The following CNOT6L variants were observed in gnomAD, a reference collection of about 807,000 sequenced individuals.
The protein encoded by CNOT6L is CCR4-NOT transcription complex subunit 6-like.
In CNOT6L, 7 loss-of-function variants were observed where a neutral mutation model predicts 64.0. That is an observed-to-expected ratio of 0.11 (90% CI 0.06 to 0.21). The LOEUF is 0.21. Ranked by LOEUF, CNOT6L falls within the 10% of genes least tolerant of loss-of-function variation. CNOT6L has a pLI of 1.00. For synonymous variants in CNOT6L, 193 were observed against 243.4 expected (o/e 0.79, Z 1.93); for missense variants, 245 against 669.0 (o/e 0.37, Z 6.99).
In CNOT6L at chr4:77,774,514, T is replaced by G; in HGVS notation, c.314+16A>C. 1 of 1,575,730 alleles carries G rather than the reference T, an allele frequency of 6.3e-7. No individual in the cohort carries two copies. Among genetic ancestry groups the G allele is most frequent in the Non-Finnish European group, 8.6e-7 (1 of 1,162,512 alleles). On this transcript the variant is annotated intron_variant, in intron 3 of 11. Transcript: ENST00000504123. The stretch of plus-strand genomic sequence containing the variant: ...AGAATTTTATATAGTGAGTCATGTC[T>G]GTTTTATTTCCTCACCTGAGAGACA...
At chr4:77,720,692 A>G in intron 11 of CNOT6L, 49 bp from the exon 12 acceptor site, 1 of 1,590,122 alleles carries the variant, frequency 6.3e-7, no homozygotes, top group Non-Finnish European at 8.6e-7. Context: ...AAGATATATA[A>G]AGAACAATCC....
chr4:77,798,666 T>C (rs1402928782), intron 1 of CNOT6L, among the ~76,000 whole-genome samples: 1 of 152,098 alleles, frequency 6.6e-6, no homozygotes, highest in African/African-American at 2.4e-5. Flanking sequence ...GCTACAACTT[T>C]GGGAGAAAGT....
chr4:77,789,229 T>C (rs1729804939), intron 1 of CNOT6L, among the ~76,000 whole-genome samples: 1 of 151,954 alleles, frequency 6.6e-6, no homozygotes, highest in African/African-American at 2.4e-5. Flanking sequence ...GTAAACCCTC[T>C]AACTGCTTGT....
chr4:77,785,306 A>G (rs1298849919), intron 1 of CNOT6L, among the ~76,000 whole-genome samples: 3 of 152,240 alleles, frequency 2.0e-5, no homozygotes, highest in Admixed American at 6.5e-5. Context: ...TATAAAACCA[A>G]TAACTATAAA....
chr4:77,778,437 G>A (rs1036836016), intron 1 of CNOT6L, among the ~76,000 whole-genome samples: 4 of 150,116 alleles, frequency 2.7e-5, no homozygotes, highest in African/African-American at 9.8e-5. Flanking sequence ...TTGCTCTGTC[G>A]CCCAGGCTGG....
At chr4:77,803,758 C>T (rs962851211) in intron 1 of CNOT6L, among the ~76,000 whole-genome samples, 2 of 152,030 alleles carry the variant, frequency 1.3e-5, no homozygotes, top group Non-Finnish European at 2.9e-5. Flanking sequence ...ACAAAATTAG[C>T]CGGGTGTGGT....
At chr4:77,778,544 T>TA (rs1401238891) in intron 1 of CNOT6L, among the ~76,000 whole-genome samples, 1 of 152,064 alleles carries the variant, frequency 6.6e-6, no homozygotes, top group Non-Finnish European at 1.5e-5. Flanking sequence ...TAGCTGAGGT[T>TA]ACGGGCGCGT....
chr4:77,774,795 T>A, intron 2 of CNOT6L, 79 bp from the exon 3 acceptor site: 1 of 864,050 alleles, frequency 1.2e-6, no homozygotes, highest in Non-Finnish European at 1.7e-6. Flanking sequence ...TGAAAAGTGG[T>A]AAGAGAGGCT....
chr4:77,759,846 T>C (rs928113310), intron 4 of CNOT6L, among the ~76,000 whole-genome samples: 1 of 152,162 alleles, frequency 6.6e-6, no homozygotes, highest in Admixed American at 6.5e-5. Context: ...CCAAAAAATA[T>C]GCATTCGTTC....
chr4:77,731,565 G>A (rs1463790767), intron 8 of CNOT6L, 27 bp from the exon 9 acceptor site: 1 of 1,465,122 alleles, frequency 6.8e-7, no homozygotes, highest in African/African-American at 1.5e-5. Context: ...TATAATTTTA[G>A]GTACCTAGAC....
chr4:77,727,049 G>A (rs989699260), intron 10 of CNOT6L, among the ~76,000 whole-genome samples: 1 of 152,134 alleles, frequency 6.6e-6, no homozygotes, highest in Non-Finnish European at 1.5e-5. Flanking sequence ...CCCTTATGAT[G>A]ATTAGTGCAC....
At chr4:77,777,832 TAAG>T (rs1358605145) in intron 1 of CNOT6L, among the ~76,000 whole-genome samples, 1 of 152,158 alleles carries the variant, frequency 6.6e-6, no homozygotes, top group African/African-American at 2.4e-5. Flanking sequence ...TATCATGTAA[TAAG>T]AAATCAAAAA....
chr4:77,815,624 G>A (rs1375737888), intron 1 of CNOT6L, among the ~76,000 whole-genome samples: 1 of 152,166 alleles, frequency 6.6e-6, no homozygotes, highest in Non-Finnish European at 1.5e-5. Flanking sequence ...CTTTCCACCT[G>A]CCAGGGACAT....
At chr4:77,777,920 T>C (rs1236359041) in intron 1 of CNOT6L, among the ~76,000 whole-genome samples, 1 of 152,234 alleles carries the variant, frequency 6.6e-6, no homozygotes, top group Non-Finnish European at 1.5e-5. Flanking sequence ...AAAATAGTCA[T>C]TCCTTTCCAC....
chr4:77,768,190 C>T (rs977566012), intron 4 of CNOT6L, among the ~76,000 whole-genome samples: 7 of 150,706 alleles, frequency 4.6e-5, no homozygotes, highest in Non-Finnish European at 8.9e-5. Context: ...TCTGGCAGGG[C>T]GTGGTGGCTC....
intron 1 of CNOT6L, among the ~76,000 whole-genome samples, chr4:77,811,478 C>G (rs979446836): frequency 6.6e-6 from 1 of 151,914 alleles, no homozygotes; most frequent in Non-Finnish European, 1.5e-5. Flanking sequence ...ACCTGGGAGG[C>G]GGAGGTTGCA....
At chr4:77,780,367 T>A (rs1005203609) in intron 1 of CNOT6L, among the ~76,000 whole-genome samples, 1 of 152,234 alleles carries the variant, frequency 6.6e-6, no homozygotes, top group Non-Finnish European at 1.5e-5. Context: ...ACAACTTACA[T>A]AGATTCTCAA....
chr4:77,779,055 A>AC (rs1560419858), intron 1 of CNOT6L, among the ~76,000 whole-genome samples: 1 of 94,136 alleles, frequency 1.1e-5, no homozygotes, highest in East Asian at 2.7e-4. Flanking sequence ...TCAAAAAAAA[A>AC]AAAAAAACAA....
intron 1 of CNOT6L, among the ~76,000 whole-genome samples, chr4:77,811,069 T>C (rs1272638690): frequency 1.3e-5 from 2 of 152,202 alleles, no homozygotes; most frequent in African/African-American, 2.4e-5. Context: ...TCATTTATGA[T>C]TTAGTATCTT....
Sources: allele counts gnomAD v4.1 joint callset (sites outside exome capture counted in the v4.1 genomes callset), GRCh38; gene constraint gnomAD v4.1.1; transcripts MANE v1.5; gene names NCBI Gene and HGNC (gene_info 2026-07-23, HGNC 2026-07-21).